VTI1A: variants seen among roughly 807,000 people sequenced by gnomAD.
VTI1A encodes vesicle transport through interaction with t-SNAREs 1A, also known as vesicle transport through interaction with t-SNAREs homolog 1A.
In VTI1A, 22 loss-of-function variants were observed where a neutral mutation model predicts 34.9. That is an observed-to-expected ratio of 0.63 (90% CI 0.45 to 0.90). The LOEUF (loss-of-function observed/expected upper bound fraction) is 0.90, where lower values mean the gene tolerates loss of function less well. Among genes scored for constraint, VTI1A ranks in the 40% least tolerant of loss-of-function variants. The pLI, the probability that VTI1A is intolerant of heterozygous loss-of-function variation, is 0.00. For missense variants in VTI1A, 268 were observed against 275.6 expected (o/e 0.97, Z 0.20); for synonymous variants, 87 against 97.3 (o/e 0.89, Z 0.62).
intron 5 of VTI1A, among the ~76,000 whole-genome samples, chr10:112,546,595 A>G (rs1463531698): frequency 1.3e-5 from 2 of 152,072 alleles, no homozygotes; most frequent in Non-Finnish European, 2.9e-5. Flanking sequence ...GCATCCAGTA[A>G]CCCAAAAAGG....
the VTI1A span, among the ~76,000 whole-genome samples, chr10:112,837,061 G>A: frequency 3.9e-5 from 6 of 152,338 alleles, no homozygotes; most frequent in Middle Eastern, 3.4e-3. Context: ...GGTGGCCCAC[G>A]CCTGTAATCC....
At chr10:112,570,810 C>A (rs1378451120) in intron 5 of VTI1A, among the ~76,000 whole-genome samples, 1 of 152,246 alleles carries the variant, frequency 6.6e-6, no homozygotes, top group East Asian at 1.9e-4. Context: ...CCTTCTGATT[C>A]ATTGCTGAAA....
intron 7 of VTI1A, among the ~76,000 whole-genome samples, chr10:112,814,200 T>C (rs528135970): frequency 9.9e-5 from 15 of 152,276 alleles, no homozygotes; most frequent in Non-Finnish European, 1.6e-4. Context: ...CCCAGCTTCA[T>C]CTCCCCAGCT....
At chr10:112,540,148 A>T (rs1850809857) in intron 5 of VTI1A, among the ~76,000 whole-genome samples, 1 of 152,120 alleles carries the variant, frequency 6.6e-6, no homozygotes, top group Admixed American at 6.6e-5. Context: ...TCTTTCACTA[A>T]ACTATTCATA....
chr10:112,538,152 T>C (rs1850718007), intron 4 of VTI1A, 94 bp from the exon 5 acceptor site: 2 of 998,626 alleles, frequency 2.0e-6, no homozygotes, highest in East Asian at 5.2e-5. Flanking sequence ...CCCCACCCCA[T>C]GTTAGGGCAT....
At chr10:112,499,168 T>C (rs545440239) in intron 3 of VTI1A, among the ~76,000 whole-genome samples, 2 of 152,348 alleles carry the variant, frequency 1.3e-5, no homozygotes, top group East Asian at 3.9e-4. Context: ...TACATTGTAT[T>C]GCTTGCAATA....
chr10:112,795,684 A>G (rs1309866302), intron 7 of VTI1A, among the ~76,000 whole-genome samples: 1 of 151,952 alleles, frequency 6.6e-6, no homozygotes, highest in Admixed American at 6.6e-5. Flanking sequence ...TGATCCGCCC[A>G]CCTCGGCCTC....
At chr10:112,843,460 T>C in the VTI1A span, among the ~76,000 whole-genome samples, 2 of 152,200 alleles carry the variant, frequency 1.3e-5, no homozygotes, top group African/African-American at 2.4e-5. Context: ...ATGCCTGTCA[T>C]GGGTGTGGAA....
intron 5 of VTI1A, among the ~76,000 whole-genome samples, chr10:112,574,978 C>T (rs7093207): frequency 0.04 from 6,037 of 152,230 alleles, 438 homozygotes; most frequent in African/African-American, 0.14. Flanking sequence ...TTTCATTTTA[C>T]CAGATAAAAT....
intron 3 of VTI1A, among the ~76,000 whole-genome samples, chr10:112,492,622 C>CA (rs1459917048): frequency 1.3e-5 from 2 of 151,722 alleles, no homozygotes; most frequent in Admixed American, 6.6e-5. Context: ...CCTGTCTCTA[C>CA]AAAAAAATAC....
rs543027684 is a variant in VTI1A at position 112,665,497 on chromosome 10, C to T, written c.428-2721C>T. On this transcript the variant is annotated intron_variant, in intron 5 of 7. Transcript: ENST00000393077. ...TTGGGTGTTACGACCGGGATGCATA[C>T]GCTCTTGCCAATATCTCTTCTCTTG... is the stretch of plus-strand genomic sequence containing the variant. 1.8e-3 allele frequency among the ~76,000 whole-genome samples: 279 copies of T among 152,254 alleles called. 2 individuals carry two copies. Among genetic ancestry groups the T allele is most frequent in the African/African-American group, 6.4e-3 (265 of 41,556 alleles).
intron 5 of VTI1A, among the ~76,000 whole-genome samples, chr10:112,587,768 A>G (rs1341559462): frequency 6.6e-6 from 1 of 152,156 alleles, no homozygotes. Flanking sequence ...TAAGATTTTC[A>G]TAAAGGTTTT....
At chr10:112,694,385 G>A (rs1001041971) in intron 7 of VTI1A, among the ~76,000 whole-genome samples, 1 of 151,688 alleles carries the variant, frequency 6.6e-6, no homozygotes, top group Admixed American at 6.6e-5. Flanking sequence ...TGGATGGATG[G>A]GTGGATGGAT....
rs117040083 is a variant in VTI1A, at chr10:112,657,671, G to A, written c.428-10547G>A. On this transcript the variant is annotated intron_variant, in intron 5 of 7. Coordinates refer to ENST00000393077, the MANE Select transcript of VTI1A (RefSeq NM_145206.4). ...TATAAAACTCTTAGAAGAAAATACA[G>A]GGACAAATCTTCATTGGCATGAAGT... Among the ~76,000 whole-genome samples, 253 of 152,196 alleles carry A rather than the reference G, an allele frequency of 1.7e-3. 1 individual carries two copies. Among genetic ancestry groups the A allele is most frequent in the Middle Eastern group, 3.4e-3 (1 of 294 alleles).
intron 5 of VTI1A, among the ~76,000 whole-genome samples, chr10:112,559,265 A>G (rs1851637641): frequency 6.6e-6 from 1 of 152,236 alleles, no homozygotes; most frequent in South Asian, 2.1e-4. Flanking sequence ...CGTTGTAAAG[A>G]GCAGAGATAC....
intron 3 of VTI1A, among the ~76,000 whole-genome samples, chr10:112,483,070 TC>T (rs1848504494): frequency 6.6e-6 from 1 of 152,044 alleles, no homozygotes; most frequent in Admixed American, 6.5e-5. Flanking sequence ...CCCAGTATCT[TC>T]CAGGAGGGTA....
chr10:112,788,358 ATC>A (rs1185853206), intron 7 of VTI1A, among the ~76,000 whole-genome samples: 1 of 152,098 alleles, frequency 6.6e-6, no homozygotes, highest in Non-Finnish European at 1.5e-5. Context: ...TCATCATTGT[ATC>A]TCCTCAATAC....
At position 112,767,362 on chromosome 10, in the gene VTI1A, A is replaced by T; in HGVS notation, c.561-47928A>T. Among the ~76,000 whole-genome samples the T allele has an allele frequency of 6.6e-6, 1 of 152,140 alleles. No homozygotes were observed. Among genetic ancestry groups the T allele is most frequent in the African/African-American group, 2.4e-5 (1 of 41,392 alleles). On this transcript the variant is annotated intron_variant, in intron 7 of 7. Coordinates refer to ENST00000393077, the MANE Select transcript of VTI1A (RefSeq NM_145206.4). This position sits in a 1 kb window ranked among gnomAD's most constrained non-coding sequence, Gnocchi z 4.0. ...GTCTGACCTCAGAGCCCATACTCTT[A>T]ATCATTTGTTTATTTTGCTTCCCCA... is the stretch of plus-strand genomic sequence containing the variant.
At chr10:112,480,503 T>C (rs6585157) in intron 3 of VTI1A, among the ~76,000 whole-genome samples, 101,775 of 151,952 alleles carry the variant, frequency 0.67, 34,998 homozygotes, top group Non-Finnish European at 0.71. Flanking sequence ...GGAGGGTCAT[T>C]CAACCCATAT....
Sources: allele counts gnomAD v4.1 joint callset (sites outside exome capture counted in the v4.1 genomes callset), GRCh38; gene constraint gnomAD v4.1.1; non-coding constraint Gnocchi (gnomAD v3.1); transcripts MANE v1.5; gene names NCBI Gene and HGNC (gene_info 2026-07-23, HGNC 2026-07-21).